The following DNAH10 variants were observed in gnomAD, a reference collection of about 807,000 sequenced individuals.
DNAH10 encodes dynein axonemal heavy chain 10, also known as axonemal beta dynein heavy chain 10.
Under a neutral mutation model 506.6 loss-of-function variants are expected in DNAH10, and 348 were observed. The observed-to-expected ratio is 0.69, with a 90% CI of 0.63 to 0.75. The LOEUF is 0.75. DNAH10 is among the 30% of genes least tolerant of loss of function. The probability of loss-of-function intolerance (pLI) is 0.00; values close to 1 mark genes in which losing one functional copy is unlikely to be tolerated. For synonymous variants in DNAH10, 2,059 were observed against 2,198.6 expected (o/e 0.94, Z 1.78); for missense variants, 5,179 against 5,787.1 (o/e 0.89, Z 3.41).
chr12:123,805,815 C>G (rs535884136), intron 18 of DNAH10, among the ~76,000 whole-genome samples: 1 of 146,190 alleles, frequency 6.8e-6, no homozygotes, highest in Non-Finnish European at 1.5e-5. Context: ...CTCGCTCTGT[C>G]GCCCAGGTTG....
At chr12:123,914,652 C>T in intron 61 of DNAH10, 102 bp downstream of exon 61, 1 of 1,424,266 alleles carries the variant, frequency 7.0e-7, no homozygotes, top group Non-Finnish European at 9.4e-7. Context: ...GGGGCATCAC[C>T]AGGACCACAG....
chr12:123,766,886 TTTTTC>T (rs1291297204), intron 1 of DNAH10, among the ~76,000 whole-genome samples: 1 of 150,944 alleles, frequency 6.6e-6, no homozygotes, highest in African/African-American at 2.5e-5. Flanking sequence ...TCCCTTCAGT[TTTTTC>T]TTTTCTTTTC....
At position 123,808,938 on chromosome 12, in the gene DNAH10, C is replaced by T. The variant is rs142525210; in HGVS notation, c.3129C>T (p.Cys1043=). ...TGTGCTTCCATTGTGTCCGGAATTG[C>T]GTGGAGATCACCAAGGTGAGAGCGG... is the stretch of plus-strand genomic sequence containing the variant. The part of the protein sequence containing the change: ...DKMCFHCVRN[C]VEITKHFVRW... The change falls in exon 19 of 79, where the codon TGC becomes TGT. Residue 1043 remains cysteine (C), a synonymous_variant. Transcript: ENST00000673944. The T allele has an allele frequency of 2.3e-5, 37 of 1,614,114 alleles. No homozygotes were observed. The highest frequency in any genetic ancestry group is 1.7e-4 in the Middle Eastern group (1 of 6,060).
chr12:123,881,878 T>A, intron 51 of DNAH10, 65 bp downstream of exon 51: 1 of 1,383,354 alleles, frequency 7.2e-7, no homozygotes, highest in Non-Finnish European at 9.5e-7. Flanking sequence ...GTAGTTCGTG[T>A]ACATATTGGA....
At chr12:123,908,465 T>G (rs751049920) in intron 57 of DNAH10, 9 of 456,184 alleles carry the variant, frequency 2.0e-5, no homozygotes, top group African/African-American at 4.0e-5. Context: ...TTGCCTTGTC[T>G]GTGCTGTTCT....
chr12:123,922,956 C>T (rs1333882641), intron 65 of DNAH10: 1 of 152,210 alleles, frequency 6.6e-6, no homozygotes, highest in Non-Finnish European at 1.5e-5. Flanking sequence ...TAGCCCTTAA[C>T]AGTTGGGCAG....
rs374084114 is a variant in DNAH10, at chr12:123,887,192, A to G, written c.8874A>G (p.Glu2958=). Residue 2958 remains glutamate, a synonymous_variant, in exon 52 of 79, where the codon GAA becomes GAG. Transcript: ENST00000673944. Reference sequence around the variant, plus strand: ...GCTACTCGGAGAACAGTTTCCGGGAAGACCTGAAGAGCCTCTATTTGAAAC... The same window carrying G: ...GCTACTCGGAGAACAGTTTCCGGGAGGACCTGAAGAGCCTCTATTTGAAAC... ...SRGYSENSFR[E]DLKSLYLKLG... 2.5e-6 allele frequency: 4 copies of G among 1,613,188 alleles called. No individual in the cohort carries two copies. Among genetic ancestry groups the G allele is most frequent in the African/African-American group, 1.3e-5 (1 of 74,930 alleles).
Position 123,871,440 on chromosome 12 carries a change from C to T in DNAH10, c.7640-17C>T. ...TTGGAGTTGCTGAGATGCCCCTGTT[C>T]CTAATGTCTACTTTAGTTCACACAG... is the stretch of plus-strand genomic sequence containing the variant. On this transcript the variant is annotated splice_polypyrimidine_tract_variant and intron_variant, in intron 44 of 78. Coordinates refer to ENST00000673944, the MANE Select transcript of DNAH10 (RefSeq NM_001372106.1). 1 of 1,584,044 alleles carries T rather than the reference C, an allele frequency of 6.3e-7. No homozygotes were observed. The highest frequency in any genetic ancestry group is 8.6e-7 in the Non-Finnish European group (1 of 1,163,608).
At chr12:123,844,271 C>T (rs991305800) in intron 30 of DNAH10, among the ~76,000 whole-genome samples, 1 of 152,206 alleles carries the variant, frequency 6.6e-6, no homozygotes, top group African/African-American at 2.4e-5. Context: ...AGGTCCTTCC[C>T]TCAACACCTG....
At chr12:123,879,492 G>GGGTT in intron 49 of DNAH10, 135 bp downstream of exon 49, 1 of 1,434,848 alleles carries the variant, frequency 7.0e-7, no homozygotes, top group Non-Finnish European at 9.5e-7. Context: ...GAGGGTGGGT[G>GGGTT]GGTTATTAAG....
chr12:123,852,442 T>A (rs1951211682), intron 35 of DNAH10, among the ~76,000 whole-genome samples: 1 of 152,200 alleles, frequency 6.6e-6, no homozygotes, highest in African/African-American at 2.4e-5. Flanking sequence ...GTGTCAGGAT[T>A]TTGAGTTGGC....
At chr12:123,934,384 C>T in intron 77 of DNAH10, 1 of 662,572 alleles carries the variant, frequency 1.5e-6, no homozygotes, top group Non-Finnish European at 2.7e-6. Flanking sequence ...GCCACCGCCC[C>T]ACACCCATTT....
Position 123,928,615 on chromosome 12 carries a change from G to A in DNAH10, c.12306+28G>A. ...CTGGCTTCAGGATGGACATCAACAT[G>A]CCAGCACGCAGCTTCTCAGAACACC... On this transcript the variant is annotated intron_variant, in intron 70 of 78. Transcript: ENST00000673944. This position sits in a 1 kb window ranked among gnomAD's most constrained non-coding sequence, Gnocchi z 4.9. The A allele has an allele frequency of 3.2e-6, 5 of 1,567,136 alleles. No homozygotes were observed. Among genetic ancestry groups the A allele is most frequent in the Non-Finnish European group, 3.5e-6 (4 of 1,156,070 alleles).
At chr12:123,848,699 T>G (rs759824658) in intron 33 of DNAH10, 31 bp from the exon 34 acceptor site, 4 of 1,611,156 alleles carry the variant, frequency 2.5e-6, no homozygotes, top group Non-Finnish European at 2.5e-6. Flanking sequence ...AGATGAAAAT[T>G]GCCCTTGTCC....
At position 123,789,958 on chromosome 12, in the gene DNAH10, C is replaced by T. The variant is rs749243827; in HGVS notation, c.1652C>T (p.Pro551Leu). 4 of 1,613,692 alleles carry T rather than the reference C, an allele frequency of 2.5e-6. No individual in the cohort carries two copies. The East Asian group carries it at 8.9e-5, about 36-fold the overall frequency. The change falls in exon 11 of 79, where the codon CCA (proline) becomes CTA (leucine). Residue 551 changes from proline to leucine, a missense_variant. Pro to Leu is a moderately conservative substitution (Grantham distance 98). Transcript: ENST00000673944. ...GAGGAATTTTATAACATATTTGGTC[C>T]AGAACTAAAGGCAGTGACGGGGGAC... ...ILEEFYNIFG[P>L]ELKAVTGDPK...
chr12:123,864,143 CTTTTTTTTT>C lies in DNAH10; in HGVS notation c.6909-440_6909-432del, dbSNP rs770676668. 7.5e-4 allele frequency among the ~76,000 whole-genome samples: 88 copies of C among 117,170 alleles called. 1 individual carries two copies. In the South Asian group the frequency reaches 7.8e-3, roughly 10 times the overall value. The allele number at this position is 117,170 out of a possible 152,430, so 76.9% of individuals were successfully genotyped here. On this transcript the variant is annotated intron_variant, in intron 39 of 78. Transcript: ENST00000673944. ...TGGCAAAGAACTCAAACTTTTTTTTCTTTTTTTTTTTTTTTTTTTTGAGACGGGGTCTTG... is the reference window on the plus strand; with the variant it reads ...TGGCAAAGAACTCAAACTTTTTTTTCTTTTTTTTTTTGAGACGGGGTCTTG...
chr12:123,877,989 T>A, intron 48 of DNAH10, 81 bp downstream of exon 48: 2 of 1,466,214 alleles, frequency 1.4e-6, no homozygotes, highest in Non-Finnish European at 1.8e-6. Context: ...GGCTTATCAG[T>A]GGATTTGATG....
At chr12:123,833,623 G>A (rs1050420888) in intron 27 of DNAH10, among the ~76,000 whole-genome samples, 3 of 152,108 alleles carry the variant, frequency 2.0e-5, no homozygotes, top group African/African-American at 7.2e-5. Context: ...ATACTGTCCT[G>A]TTCTTGTTGC....
rs765423530 is a variant in DNAH10, at chr12:123,799,372, G to C, written c.2289+1G>C. ...CATGAAGAAGAGCCTTTTGACCAAG[G>C]TGCGCTGCCCACGCCCTCATTCCCG... On this transcript the variant is annotated splice_donor_variant, in intron 14 of 78. Coordinates refer to ENST00000673944, the MANE Select transcript of DNAH10 (RefSeq NM_001372106.1). LOFTEE classifies it high-confidence loss of function. The C allele has an allele frequency of 3.1e-5, 50 of 1,611,346 alleles. No homozygotes were observed. The highest frequency in any genetic ancestry group is 4.1e-5 in the Non-Finnish European group (48 of 1,178,140).
Sources: allele counts gnomAD v4.1 joint callset (sites outside exome capture counted in the v4.1 genomes callset), GRCh38; gene constraint gnomAD v4.1.1; non-coding constraint Gnocchi (gnomAD v3.1); transcripts MANE v1.5; gene names NCBI Gene and HGNC (gene_info 2026-07-23, HGNC 2026-07-21).